Variants in PPP6R1 observed in about 807,000 individuals in gnomAD.
The protein encoded by PPP6R1 is serine/threonine-protein phosphatase 6 regulatory subunit 1.
In PPP6R1, 39 loss-of-function variants were observed where a neutral mutation model predicts 104.6. The ratio of observed to expected loss-of-function variants is 0.37; its 90% confidence interval spans 0.29 to 0.49. The LOEUF (loss-of-function observed/expected upper bound fraction) is 0.49. PPP6R1 is among the 20% of genes least tolerant of loss of function. The pLI is 0.98. For missense variants in PPP6R1, 1,181 were observed against 1,155.8 expected (o/e 1.02, Z -0.32); for synonymous variants, 549 against 479.0 (o/e 1.15, Z -1.91).
intron 17 of PPP6R1, among the ~76,000 whole-genome samples, chr19:55,235,902 G>A (rs1236315736): frequency 2.8e-5 from 4 of 143,242 alleles, no homozygotes; most frequent in South Asian, 4.4e-4. Flanking sequence ...GCAGTGGTGC[G>A]ATCTCAACTC....
At position 55,239,924 on chromosome 19, in the gene PPP6R1, G is replaced by A. The variant is rs773551655; in HGVS notation, c.1478-13C>T. 7 of 1,613,752 alleles carry A rather than the reference G, an allele frequency of 4.3e-6. No individual in the cohort carries two copies. Among genetic ancestry groups the A allele is most frequent in the Non-Finnish European group, 5.9e-6 (7 of 1,179,832 alleles). ...TCGCTGGGCAGCTCTGCTTAGGTGA[G>A]AGGGGTGAAGACGTGAGGCATCTCG... On this transcript the variant is annotated splice_polypyrimidine_tract_variant and intron_variant, in intron 12 of 23. Transcript: ENST00000412770.
In PPP6R1 at chr19:55,231,602, G is replaced by A. The variant is rs775900886; in HGVS notation, c.2373C>T (p.Pro791=). The A allele has an allele frequency of 7.4e-6, 12 of 1,610,928 alleles. No homozygotes were observed. Among genetic ancestry groups the A allele is most frequent in the African/African-American group, 6.7e-5 (5 of 74,874 alleles). ...EATEGSKVTE[P]SAPCQALVSI... is the part of the protein sequence containing the mutation. ...GCAGGGCAAAGCGGGGCTCACCTGA[G>A]GGCTCCGTGACTTTGCTGCCTTCTG... Residue 791 remains proline (P), a synonymous_variant, in exon 20 of 24, where the codon CCC becomes CCT. Transcript: ENST00000412770.
At chr19:55,243,663 C>A (rs2087480122) in intron 5 of PPP6R1, among the ~76,000 whole-genome samples, 1 of 144,044 alleles carries the variant, frequency 6.9e-6, no homozygotes, top group African/African-American at 2.9e-5. Flanking sequence ...AAGACACTGT[C>A]TCAAAAAAAA....
In PPP6R1 at chr19:55,231,536, G is replaced by C. The variant is rs1242705100; in HGVS notation, c.2378-45C>G. The C allele has an allele frequency of 8.1e-6, 13 of 1,598,414 alleles. No individual in the cohort carries two copies. In the East Asian group the frequency reaches 2.9e-4, roughly 36 times the overall value. On this transcript the variant is annotated intron_variant, in intron 20 of 23. Transcript: ENST00000412770. ...TCAGCTGCAGCTCCCAGCAAGCTCG[G>C]AGCTGGCCAGGCTGCTCTCTCTGCC...
intron 1 of PPP6R1, among the ~76,000 whole-genome samples, chr19:55,248,161 C>T (rs535383445): frequency 6.6e-6 from 1 of 152,368 alleles, no homozygotes; most frequent in South Asian, 2.1e-4. Context: ...CCTTCCACTA[C>T]AGACCTGACC....
chr19:55,230,607 A>C lies in PPP6R1; in HGVS notation c.2642+6T>G. On this transcript the variant is annotated splice_donor_region_variant and intron_variant, in intron 23 of 23. Coordinates refer to ENST00000412770, the MANE Select transcript of PPP6R1 (RefSeq NM_014931.4). ...CTACCCAGCCCGAGGCTGCAGCCAC[A>C]CTCACTGGGAGCCTGGGGATGCAGG... is the stretch of plus-strand genomic sequence containing the variant. The C allele has an allele frequency of 6.2e-7, 1 of 1,612,386 alleles. No homozygotes were observed. Among genetic ancestry groups the C allele is most frequent in the Non-Finnish European group, 8.5e-7 (1 of 1,179,232 alleles).
rs371323151 is a variant in PPP6R1, at chr19:55,253,643, G to A, written c.-7+4792C>T. The stretch of plus-strand genomic sequence containing the variant: ...AAGGCTCAAATGCAATTGAGTGGTC[G>A]ACACTCTACAGACCTCAATTATCAG... On this transcript the variant is annotated intron_variant, in intron 1 of 23. Transcript: ENST00000412770. 5.4e-4 allele frequency among the ~76,000 whole-genome samples: 82 copies of A among 152,296 alleles called. 1 individual carries two copies. In the South Asian group the frequency reaches 7.9e-3, roughly 15 times the overall value.
chr19:55,245,799 C>T lies in PPP6R1; in HGVS notation c.228-121G>A, dbSNP rs2087503299. The stretch of plus-strand genomic sequence containing the variant: ...TTCTGGGAACTGCAGAGACCCCTGT[C>T]CAGGAAGGGGAAAGGGCAGAGGACA... On this transcript the variant is annotated intron_variant, in intron 2 of 23. Transcript: ENST00000412770. This position sits in a 1 kb window ranked among gnomAD's most constrained non-coding sequence, Gnocchi z 6.4. The T allele has an allele frequency of 4.9e-6, 4 of 822,460 alleles. No homozygotes were observed. Among genetic ancestry groups the T allele is most frequent in the Non-Finnish European group, 7.6e-6 (4 of 527,754 alleles). The allele number at this position is 822,460 out of a possible 1,614,324, so 50.9% of individuals were successfully genotyped here.
At position 55,239,663 on chromosome 19, in the gene PPP6R1, G is replaced by A. The variant is rs374808885; in HGVS notation, c.1584C>T (p.His528=). 48 of 1,611,538 alleles carry A rather than the reference G, an allele frequency of 3.0e-5. No individual in the cohort carries two copies. The African/African-American group carries it at 5.3e-4, about 18-fold the overall frequency. Residue 528 remains histidine, a synonymous_variant, in exon 14 of 24, where the codon CAC becomes CAT. Transcript: ENST00000412770. ...GGTCGTCCTCATCGTCACTGGAGGA[G>A]TGTAGGTGGTGGGTGTTCACCTGGG... ...MVDLVNTHHL[H]SSSDDEDDRL... is the part of the protein sequence containing the mutation.
chr19:55,255,401 T>G (rs538790640), intron 1 of PPP6R1, among the ~76,000 whole-genome samples: 1 of 152,246 alleles, frequency 6.6e-6, no homozygotes, highest in East Asian at 1.9e-4. Context: ...CAGAAAAGCT[T>G]GCATTCCCAT....
chr19:55,239,588 G>A lies in PPP6R1; in HGVS notation c.1653+6C>T, dbSNP rs754460329. The stretch of plus-strand genomic sequence containing the variant: ...CCAGCACAGCCCCACATAGCCCCAC[G>A]CCCACCTGCTGCAGCACAGCCTCCT... On this transcript the variant is annotated splice_donor_region_variant and intron_variant, in intron 14 of 23. Coordinates refer to ENST00000412770, the MANE Select transcript of PPP6R1 (RefSeq NM_014931.4). The A allele has an allele frequency of 2.2e-5, 36 of 1,610,376 alleles. No homozygotes were observed. The highest frequency in any genetic ancestry group is 1.6e-4 in the Middle Eastern group (1 of 6,074).
At chr19:55,247,971 C>T (rs1346311067) in intron 1 of PPP6R1, among the ~76,000 whole-genome samples, 1 of 152,232 alleles carries the variant, frequency 6.6e-6, no homozygotes, top group African/African-American at 2.4e-5. Flanking sequence ...CTCCCGCCCT[C>T]TGGAGGACAG....
chr19:55,236,311 T>C, intron 17 of PPP6R1: 1 of 254,740 alleles, frequency 3.9e-6, no homozygotes, highest in Non-Finnish European at 7.5e-6. Context: ...CACACCACCA[T>C]GCCCATCTAA....
In PPP6R1 at chr19:55,230,248, TATATA is replaced by T. The variant is rs1019355556; in HGVS notation, c.*275_*279del. On this transcript the variant is annotated 3_prime_UTR_variant, in exon 24 of 24. Coordinates refer to ENST00000412770, the MANE Select transcript of PPP6R1 (RefSeq NM_014931.4). ...TCTCTCTCGCTCTCCTCCCTCTCTC[TATATA>T]ATATATAATATATGTTTCTCTCTCT... The T allele has an allele frequency of 2.2e-5, 11 of 509,712 alleles. No homozygotes were observed. Among genetic ancestry groups the T allele is most frequent in the African/African-American group, 2.1e-4 (11 of 52,350 alleles). The allele number at this position is 509,712 out of a possible 1,614,324, so 31.6% of individuals were successfully genotyped here. A position where few individuals can be genotyped will look rare whatever the true frequency, so the allele number is the denominator to read the frequency against.
At position 55,232,137 on chromosome 19, in the gene PPP6R1, C is replaced by T. The variant is rs775752101; in HGVS notation, c.2063G>A (p.Gly688Asp). ...GGTGGCCCCTCCACGGGCTGCACAG[C>T]CAATGCCCTCCTCGTCTTCCTCCTC... is the stretch of plus-strand genomic sequence containing the variant. The part of the protein sequence containing the change: ...EEEEEDEEGI[G>D]CAARGGATPL... The change falls in exon 18 of 24, where the codon GGC (glycine) becomes GAC (aspartate). Residue 688 changes from glycine (G) to aspartate (D), a missense_variant. Transcript: ENST00000412770. 1.3e-6 allele frequency: 2 copies of T among 1,591,364 alleles called. No homozygotes were observed. Among genetic ancestry groups the T allele is most frequent in the Non-Finnish European group, 1.7e-6 (2 of 1,168,952 alleles).
Position 55,234,000 on chromosome 19 carries a change from CAATG to C in PPP6R1, c.1989-1793_1989-1790del, listed in dbSNP as rs1568943652. Reference sequence around the variant, plus strand: ...CGTTCTTGTCACCCAGACTGGAGTGCAATGAATGGTGCGATCTCAGCTCACTGCA... The same window carrying C: ...CGTTCTTGTCACCCAGACTGGAGTGCAATGGTGCGATCTCAGCTCACTGCA... On this transcript the variant is annotated intron_variant, in intron 17 of 23. Transcript: ENST00000412770. 4.6e-5 allele frequency among the ~76,000 whole-genome samples: 7 copies of C among 152,236 alleles called. No individual in the cohort carries two copies. The South Asian group carries it at 1.2e-3, about 27-fold the overall frequency.
chr19:55,239,539 G>A (rs765697547), intron 14 of PPP6R1, 37 bp from the exon 15 acceptor site: 2 of 1,610,588 alleles, frequency 1.2e-6, no homozygotes, highest in African/African-American at 1.3e-5. Flanking sequence ...GAGGGAGTTG[G>A]GCAGGACCCC....
At chr19:55,240,209 G>A (rs199835599) in intron 11 of PPP6R1, 27 bp downstream of exon 11, 1 of 1,576,854 alleles carries the variant, frequency 6.3e-7, no homozygotes, top group Non-Finnish European at 8.6e-7. Flanking sequence ...CCAGCCCCTG[G>A]AGACATGAAG....
chr19:55,237,508 C>A (rs1461143598), intron 15 of PPP6R1, among the ~76,000 whole-genome samples: 1 of 152,158 alleles, frequency 6.6e-6, no homozygotes, highest in African/African-American at 2.4e-5. Flanking sequence ...ACCTCCCTCA[C>A]CACGAGGGTC....
Sources: allele counts gnomAD v4.1 joint callset (sites outside exome capture counted in the v4.1 genomes callset), GRCh38; gene constraint gnomAD v4.1.1; non-coding constraint Gnocchi (gnomAD v3.1); transcripts MANE v1.5; gene names NCBI Gene and HGNC (gene_info 2026-07-23, HGNC 2026-07-21).